NEBL: variants seen among roughly 807,000 people sequenced by gnomAD.
NEBL encodes nebulette.
NEBL carries 122 observed loss-of-function variants against 140.2 expected under a neutral mutation model. The observed-to-expected ratio is 0.87, with a 90% CI of 0.75 to 1.01. The LOEUF is 1.01. Among genes scored for constraint, NEBL ranks in the 50% least tolerant of loss-of-function variants. NEBL has a pLI of 0.00. For synonymous variants in NEBL, 436 were observed against 398.9 expected (o/e 1.09, Z -1.11); for missense variants, 1,365 against 1,231.3 (o/e 1.11, Z -1.62).
At chr10:21,043,375 A>C (rs1172493638) in intron 2 of NEBL, among the ~76,000 whole-genome samples, 1 of 152,264 alleles carries the variant, frequency 6.6e-6, no homozygotes, top group Non-Finnish European at 1.5e-5. Flanking sequence ...AATCTTACAA[A>C]AATCCAAGAT....
chr10:20,794,026 C>T (rs959156561), intron 26 of NEBL, among the ~76,000 whole-genome samples: 2 of 152,168 alleles, frequency 1.3e-5, no homozygotes, highest in Non-Finnish European at 2.9e-5. Flanking sequence ...TCTGTGGAGG[C>T]GAATGTTTGA....
At position 20,813,923 on chromosome 10, in the gene NEBL, T is replaced by A. The variant is rs761366742; in HGVS notation, c.2346+16A>T. 6.7e-7 allele frequency: 1 copy of A among 1,486,200 alleles called. No homozygotes were observed. The highest frequency in any genetic ancestry group is 9.4e-7 in the Non-Finnish European group (1 of 1,063,724). 92.1% of individuals were successfully genotyped at this position (1,486,200 alleles called of 1,614,324 possible). The stretch of plus-strand genomic sequence containing the variant: ...ATTCCTTAGCATGTTTTAAGAATGA[T>A]CTGGTTGGACCCTACCATTGAAATA... On this transcript the variant is annotated intron_variant, in intron 23 of 27. Transcript: ENST00000377122.
At chr10:20,871,600 TA>T (rs1013745007) in intron 5 of NEBL, among the ~76,000 whole-genome samples, 1 of 152,220 alleles carries the variant, frequency 6.6e-6, no homozygotes, top group African/African-American at 2.4e-5. Flanking sequence ...GACTATTTTT[TA>T]AACTACACTT....
chr10:21,196,728 C>T (rs1343486904), intron 3 of NEBL, among the ~76,000 whole-genome samples: 1 of 152,192 alleles, frequency 6.6e-6, no homozygotes, highest in African/African-American at 2.4e-5. Flanking sequence ...TTCAAGGACA[C>T]TACTCAGCTT....
rs1159946102 is a variant in NEBL at position 20,787,287 on chromosome 10, T to G, written c.2783A>C (p.Tyr928Ser). ...DEGAPVLPGA[Y>S]QQSHSQGYGY... ...ATAGCCTTGGGAATGGCTTTGCTGATAGGCTCCGGGAAGAACAGGTGCTGC... is the reference window on the plus strand; with the variant it reads ...ATAGCCTTGGGAATGGCTTTGCTGAGAGGCTCCGGGAAGAACAGGTGCTGC... Residue 928 changes from tyrosine to serine, a missense_variant, in exon 27 of 28, where the codon TAT (tyrosine) becomes TCT (serine). Tyr to Ser is a moderately radical substitution (Grantham distance 144). Transcript: ENST00000377122. The G allele has an allele frequency of 6.2e-7, 1 of 1,613,318 alleles. No individual in the cohort carries two copies. The highest frequency in any genetic ancestry group is 8.5e-7 in the Non-Finnish European group (1 of 1,179,608).
At chr10:21,192,438 T>C (rs909115022) in intron 3 of NEBL, among the ~76,000 whole-genome samples, 5 of 151,658 alleles carry the variant, frequency 3.3e-5, no homozygotes, top group Non-Finnish European at 7.4e-5. Context: ...ATGATCTGCC[T>C]GCCTTGGCCT....
intron 2 of NEBL, among the ~76,000 whole-genome samples, chr10:21,068,837 T>C (rs1162389569): frequency 6.6e-6 from 1 of 152,230 alleles, no homozygotes; most frequent in Non-Finnish European, 1.5e-5. Flanking sequence ...ATTTGGAGTA[T>C]TCCTCCGATG....
At chr10:20,860,561 CAAAAAGAAAAAAA>C (rs1395502308) in intron 7 of NEBL, among the ~76,000 whole-genome samples, 3 of 61,938 alleles carry the variant, frequency 4.8e-5, no homozygotes, top group Admixed American at 2.1e-4. Flanking sequence ...AAGTTCACTA[CAAAAAGAAAAAAA>C]AAAAAAAAAA....
At chr10:20,903,041 T>C (rs55861136) in intron 4 of NEBL, among the ~76,000 whole-genome samples, 16,244 of 152,240 alleles carry the variant, frequency 0.11, 1,007 homozygotes, top group Admixed American at 0.16. Context: ...TTCTTATCCA[T>C]AGAAATGCAA....
intron 1 of NEBL, among the ~76,000 whole-genome samples, chr10:21,265,900 G>C (rs374852790): frequency 6.6e-6 from 1 of 152,302 alleles, no homozygotes; most frequent in East Asian, 1.9e-4. Context: ...TTGGGATTTA[G>C]TTTGCTGAGC....
rs138776204 is a variant in NEBL, at chr10:20,921,036, T to G, written c.357+40636A>C. On this transcript the variant is annotated intron_variant, in intron 4 of 6. Transcript: ENST00000417816. ...CTGAAAATGTCTGGAGTAATGACAG[T>G]AGGAACAGGGAATCAAAAAAGTAGA... is the stretch of plus-strand genomic sequence containing the variant. 3.9e-3 allele frequency among the ~76,000 whole-genome samples: 597 copies of G among 152,338 alleles called. 8 individuals carry two copies. The highest frequency in any genetic ancestry group is 0.012 in the African/African-American group (518 of 41,586).
chr10:21,243,519 G>T (rs1430587150), intron 3 of NEBL, among the ~76,000 whole-genome samples: 1 of 151,824 alleles, frequency 6.6e-6, no homozygotes, highest in South Asian at 2.1e-4. Context: ...GTTGGCCAGG[G>T]TGGTCTCATA....
At chr10:21,265,618 C>T (rs2132284684) in intron 1 of NEBL, among the ~76,000 whole-genome samples, 1 of 152,288 alleles carries the variant, frequency 6.6e-6, no homozygotes, top group East Asian at 1.9e-4. Context: ...GGGAAGAAAG[C>T]CAATAGTGCG....
At chr10:20,999,653 G>A (rs1375392960) in intron 3 of NEBL, among the ~76,000 whole-genome samples, 4 of 151,830 alleles carry the variant, frequency 2.6e-5, no homozygotes, top group Admixed American at 2.6e-4. Context: ...TCTATATCCA[G>A]GATCTATATA....
chr10:20,860,534 A>G (rs939356842), intron 7 of NEBL, among the ~76,000 whole-genome samples: 7 of 136,698 alleles, frequency 5.1e-5, no homozygotes, highest in South Asian at 2.5e-4. Flanking sequence ...TGTCATAACT[A>G]ATTAGAATAT....
intron 1 of NEBL, among the ~76,000 whole-genome samples, chr10:21,288,071 A>G (rs1277106352): frequency 1.3e-5 from 2 of 152,216 alleles, no homozygotes; most frequent in African/African-American, 4.8e-5. Flanking sequence ...GAGATAATGC[A>G]TATAAAGTGC....
chr10:21,154,985 G>A (rs917386339), intron 2 of NEBL, among the ~76,000 whole-genome samples: 6 of 152,146 alleles, frequency 3.9e-5, no homozygotes, highest in African/African-American at 1.4e-4. Flanking sequence ...TGGATCACGA[G>A]GTCAGGAGTT....
intron 5 of NEBL, among the ~76,000 whole-genome samples, chr10:20,870,394 C>T (rs1844806107): frequency 6.7e-6 from 1 of 149,674 alleles, no homozygotes; most frequent in Non-Finnish European, 1.5e-5. Context: ...GATCAAAGCA[C>T]AAAACCAATC....
intron 1 of NEBL, among the ~76,000 whole-genome samples, chr10:21,289,743 C>A (rs950317908): frequency 1.3e-5 from 2 of 152,144 alleles, no homozygotes; most frequent in African/African-American, 4.8e-5. Flanking sequence ...TTATGCAGTT[C>A]ACTGAAAATA....
Sources: allele counts gnomAD v4.1 joint callset (sites outside exome capture counted in the v4.1 genomes callset), GRCh38; gene constraint gnomAD v4.1.1; transcripts MANE v1.5; gene names NCBI Gene and HGNC (gene_info 2026-07-23, HGNC 2026-07-21).